IQGAP1: variants seen among roughly 807,000 people sequenced by gnomAD.
IQGAP1 encodes the protein ras GTPase-activating-like protein IQGAP1.
A neutral mutation model predicts 215.6 loss-of-function variants in IQGAP1; 66 were observed. The ratio of observed to expected loss-of-function variants is 0.31; its 90% confidence interval spans 0.25 to 0.38. The LOEUF (loss-of-function observed/expected upper bound fraction) is 0.38, where lower values mean the gene tolerates loss of function less well. Among genes scored for constraint, IQGAP1 ranks in the 10% least tolerant of loss-of-function variants. The pLI is 1.00. For missense variants in IQGAP1, 1,712 were observed against 1,997.1 expected, an observed-to-expected ratio of 0.86 and a Z score of 2.72; for synonymous variants, 772 against 728.7, an observed-to-expected ratio of 1.06 and a Z score of -0.96.
intron 2 of IQGAP1, among the ~76,000 whole-genome samples, chr15:90,425,813 G>T (rs1388069417): frequency 6.6e-6 from 1 of 152,172 alleles, no homozygotes; most frequent in Non-Finnish European, 1.5e-5. Context: ...TGAGGGAAAG[G>T]GTCTGAGGTT....
chr15:90,492,142 A>G (rs1326071277), intron 34 of IQGAP1, among the ~76,000 whole-genome samples: 2 of 152,210 alleles, frequency 1.3e-5, no homozygotes. Context: ...TTCTCTGTTA[A>G]TTTGTGAAAA....
rs1966220439 is a variant in IQGAP1, at chr15:90,492,536, A to C, written c.4462-9A>C. On this transcript the variant is annotated splice_polypyrimidine_tract_variant and intron_variant, in intron 34 of 37. Transcript: ENST00000268182. ...CGTTATTTTTCTAACTTTAATAATT[A>C]TGTCTCAGGATATTCGGAATCAGCG... 3.8e-6 allele frequency: 6 copies of C among 1,588,214 alleles called. No individual in the cohort carries two copies. Among genetic ancestry groups the C allele is most frequent in the East Asian group, 2.3e-5 (1 of 44,340 alleles).
chr15:90,399,840 A>C (rs747552214), intron 2 of IQGAP1, among the ~76,000 whole-genome samples: 4 of 152,062 alleles, frequency 2.6e-5, no homozygotes, highest in Admixed American at 6.5e-5. Flanking sequence ...TTAGCAATTC[A>C]TGTCTGTTTT....
chr15:90,426,089 A>C (rs779949423), intron 2 of IQGAP1, 21 bp from the exon 3 acceptor site: 1 of 1,575,732 alleles, frequency 6.3e-7, no homozygotes, highest in East Asian at 2.3e-5. Flanking sequence ...CTTTTTTTGC[A>C]TCCTCTCTCC....
chr15:90,448,856 A>G (rs1965561008), intron 10 of IQGAP1, 120 bp downstream of exon 10: 1 of 914,984 alleles, frequency 1.1e-6, no homozygotes. Context: ...TTTCCTCTGC[A>G]TATAAATTAG....
At chr15:90,460,721 G>A (rs1164214414) in intron 15 of IQGAP1, among the ~76,000 whole-genome samples, 1 of 152,112 alleles carries the variant, frequency 6.6e-6, no homozygotes, top group Non-Finnish European at 1.5e-5. Flanking sequence ...AAAACTGGCC[G>A]GGTGCAGTGG....
rs1050531551 is a variant in IQGAP1 at position 90,429,104 on chromosome 15, C to T, written c.313-485C>T. ...CTGACCTCAGGTGATCTGTCCACCT[C>T]GGCCTGCCAATGTGCTGGGATTACA... On this transcript the variant is annotated intron_variant, in intron 3 of 37. Coordinates refer to ENST00000268182, the MANE Select transcript of IQGAP1 (RefSeq NM_003870.4). Among the ~76,000 whole-genome samples the T allele has an allele frequency of 3.3e-5, 5 of 152,276 alleles. No homozygotes were observed. The East Asian group carries it at 7.7e-4, about 23-fold the overall frequency.
chr15:90,452,748 C>G lies in IQGAP1; in HGVS notation c.1163-27C>G, dbSNP rs377043422. On this transcript the variant is annotated intron_variant, in intron 11 of 37. Transcript: ENST00000268182. ...CCCTGAGGGCTCTCTAAGCCCACTG[C>G]GTTTCTGACTCCTGTTTTTTACACA... The G allele has an allele frequency of 2.5e-6, 4 of 1,611,078 alleles. No individual in the cohort carries two copies. In the Admixed American group the frequency reaches 5.0e-5, roughly 20 times the overall value.
At chr15:90,432,608 T>G (rs1252354798) in intron 4 of IQGAP1, among the ~76,000 whole-genome samples, 4 of 152,316 alleles carry the variant, frequency 2.6e-5, no homozygotes, top group South Asian at 2.1e-4. Flanking sequence ...TTCTGTAGAT[T>G]TTAAAAAACA....
intron 15 of IQGAP1, among the ~76,000 whole-genome samples, chr15:90,462,035 G>A (rs539184055): frequency 7.9e-5 from 12 of 151,024 alleles, no homozygotes; most frequent in Non-Finnish European, 1.5e-4. Flanking sequence ...GGTGGTAGGC[G>A]CCTGCGCCTT....
chr15:90,466,448 G>C lies in IQGAP1; in HGVS notation c.2035+12G>C. ...AAAACTGGCAGTAGGTGAGTTCTGG[G>C]ATAATACATATGTGCCCTGAAGCTA... On this transcript the variant is annotated intron_variant, in intron 17 of 37. Coordinates refer to ENST00000268182, the MANE Select transcript of IQGAP1 (RefSeq NM_003870.4). The C allele has an allele frequency of 2.5e-6, 4 of 1,613,790 alleles. No homozygotes were observed. The highest frequency in any genetic ancestry group is 3.4e-6 in the Non-Finnish European group (4 of 1,179,748).
chr15:90,500,858 G>A lies in IQGAP1; in HGVS notation c.*750G>A, dbSNP rs1478088653. On this transcript the variant is annotated 3_prime_UTR_variant, in exon 38 of 38. Coordinates refer to ENST00000268182, the MANE Select transcript of IQGAP1 (RefSeq NM_003870.4). ...TCAGAATGGGTCAAGGCACCTGCCT[G>A]TTTTTGTTGGTGCACAGAGATTGAC... The A allele has an allele frequency of 6.6e-6, 1 of 152,668 alleles. No homozygotes were observed. The highest frequency in any genetic ancestry group is 1.5e-5 in the Non-Finnish European group (1 of 68,046). The allele number at this position is 152,668 out of a possible 1,614,324, so 9.5% of individuals were successfully genotyped here. A position where few individuals can be genotyped will look rare whatever the true frequency, so the allele number is the denominator to read the frequency against.
chr15:90,487,711 G>A, intron 33 of IQGAP1, 129 bp downstream of exon 33: 1 of 651,868 alleles, frequency 1.5e-6, no homozygotes, highest in South Asian at 2.0e-5. Context: ...TGTAACTGGG[G>A]GACAGTGGTA....
chr15:90,494,601 C>T (rs1966248220), intron 35 of IQGAP1, 112 bp from the exon 36 acceptor site: 1 of 838,364 alleles, frequency 1.2e-6, no homozygotes, highest in African/African-American at 1.7e-5. Context: ...TGGTATGTTA[C>T]TTATGCTTAT....
chr15:90,442,759 AG>A (rs1276817297), intron 8 of IQGAP1, among the ~76,000 whole-genome samples: 4 of 152,156 alleles, frequency 2.6e-5, no homozygotes, highest in African/African-American at 9.6e-5. Flanking sequence ...ACTTGAGGTT[AG>A]GAGTTTGAGA....
intron 1 of IQGAP1, among the ~76,000 whole-genome samples, chr15:90,389,648 A>G (rs1964606205): frequency 6.6e-6 from 1 of 151,966 alleles, no homozygotes; most frequent in African/African-American, 2.4e-5. Context: ...GCCTTGAAGA[A>G]TGCTGTGTAG....
At chr15:90,397,190 ACT>A (rs1394335082) in intron 2 of IQGAP1, among the ~76,000 whole-genome samples, 1 of 152,196 alleles carries the variant, frequency 6.6e-6, no homozygotes, top group African/African-American at 2.4e-5. Context: ...AAAGAGTTGA[ACT>A]AGTTAGTACC....
chr15:90,422,139 C>A (rs1965146095), intron 2 of IQGAP1, among the ~76,000 whole-genome samples: 1 of 152,150 alleles, frequency 6.6e-6, no homozygotes, highest in South Asian at 2.1e-4. Flanking sequence ...TGGAGCTCAA[C>A]CCCTTTTGGC....
chr15:90,473,691 T>C, intron 19 of IQGAP1, 24 bp from the exon 20 acceptor site: 1 of 1,542,072 alleles, frequency 6.5e-7, no homozygotes, highest in Non-Finnish European at 9.0e-7. Context: ...GTAATATGTC[T>C]TCTGTAACAT....
Sources: gnomAD v4.1 joint callset for allele counts (sites outside exome capture counted in the v4.1 genomes callset) on GRCh38, gnomAD v4.1.1 for gene constraint, MANE v1.5 for transcripts, NCBI Gene and HGNC (gene_info 2026-07-23, HGNC 2026-07-21) for gene names.